RASSF5: variants seen among roughly 807,000 people sequenced by gnomAD.
The protein encoded by RASSF5 is Ras association domain family member 5.
A neutral mutation model predicts 40.5 loss-of-function variants in RASSF5; 25 were observed. The observed-to-expected ratio is 0.62, with a 90% CI of 0.45 to 0.86. The LOEUF (loss-of-function observed/expected upper bound fraction) is 0.86, where lower values mean the gene tolerates loss of function less well. RASSF5 is among the 40% of genes least tolerant of loss of function. The pLI is 0.00. For synonymous variants in RASSF5, 246 were observed against 252.4 expected (o/e 0.97, Z 0.24); for missense variants, 521 against 572.8 (o/e 0.91, Z 0.92).
intron 2 of RASSF5, among the ~76,000 whole-genome samples, chr1:206,567,616 G>A (rs1668323567): frequency 6.6e-6 from 1 of 152,102 alleles, no homozygotes; most frequent in African/African-American, 2.4e-5. Context: ...CCCTCTGTAA[G>A]ACGGGAAGAC....
chr1:206,507,622 C>A lies in RASSF5; in HGVS notation c.20C>A (p.Ala7Asp), dbSNP rs1553393905. 1.3e-6 allele frequency: 2 copies of A among 1,524,796 alleles called. 1 individual carries two copies. Among genetic ancestry groups the A allele is most frequent in the East Asian group, 5.6e-5 (2 of 35,992 alleles). 94.5% of individuals were successfully genotyped at this position (1,524,796 alleles called of 1,614,324 possible). Residue 7 changes from alanine (A) to aspartate (D), a missense_variant, in exon 1 of 6, where the codon GCC becomes GAC. Transcript: ENST00000579436. The stretch of plus-strand genomic sequence containing the variant: ...CCGGGCATGGCCATGGCGTCCCCGG[C>A]CATCGGGCAGCGCCCGTACCCGCTA... Reference protein sequence around the residue: MAMASPAIGQRPYPLLL... With the variant: MAMASPDIGQRPYPLLL...
chr1:206,533,807 T>C lies in RASSF5; in HGVS notation c.458-4365T>C, dbSNP rs1397656927. ...CCCAGTAGTTCAGAATGCAACCTTA[T>C]TCGGAAATATGGTAGTTGCAGGTGT... On this transcript the variant is annotated intron_variant, in intron 1 of 5. Coordinates refer to ENST00000579436, the MANE Select transcript of RASSF5 (RefSeq NM_182663.4). Among the ~76,000 whole-genome samples, 7 of 152,092 alleles carry C rather than the reference T, an allele frequency of 4.6e-5. No homozygotes were observed. The South Asian group carries it at 1.5e-3, about 32-fold the overall frequency.
chr1:206,523,409 TTATATATTA>T lies in RASSF5; in HGVS notation c.458-14757_458-14749del, dbSNP rs1410464442. 9.5e-3 allele frequency among the ~76,000 whole-genome samples: 399 copies of T among 42,014 alleles called. 2 individuals carry two copies. The highest frequency in any genetic ancestry group is 0.021 in the African/African-American group (376 of 17,728). The allele number at this position is 42,014 out of a possible 152,430, so 27.6% of individuals were successfully genotyped here. On this transcript the variant is annotated intron_variant, in intron 1 of 5. Transcript: ENST00000579436. ...TATAAATTTAATATAAATATAAATA[TTATATATTA>T]TATATTATATAATATATTTTATATA...
intron 2 of RASSF5, among the ~76,000 whole-genome samples, chr1:206,540,739 A>G (rs2103525100): frequency 6.6e-6 from 1 of 152,076 alleles, no homozygotes; most frequent in Non-Finnish European, 1.5e-5. Context: ...GCTTTCTTTC[A>G]CCTTGACATC....
intron 2 of RASSF5, among the ~76,000 whole-genome samples, chr1:206,562,543 C>T (rs1668172555): frequency 6.6e-6 from 1 of 152,294 alleles, no homozygotes; most frequent in Non-Finnish European, 1.5e-5. Flanking sequence ...GGATTCACTG[C>T]CCGCTGCCTC....
chr1:206,564,873 G>A (rs1241516453), intron 2 of RASSF5, among the ~76,000 whole-genome samples: 1 of 152,178 alleles, frequency 6.6e-6, no homozygotes, highest in Non-Finnish European at 1.5e-5. Context: ...GAGCTGCACT[G>A]ACAGACAGCT....
chr1:206,577,707 G>A (rs1421018023), intron 2 of RASSF5, among the ~76,000 whole-genome samples: 3 of 152,188 alleles, frequency 2.0e-5, no homozygotes, highest in African/African-American at 7.2e-5. Context: ...AGTCTAAATG[G>A]AAATCCAAGG....
At chr1:206,533,360 C>A (rs558789590) in intron 1 of RASSF5, among the ~76,000 whole-genome samples, 1 of 152,106 alleles carries the variant, frequency 6.6e-6, no homozygotes, top group Non-Finnish European at 1.5e-5. Flanking sequence ...CACTAGAAAC[C>A]GCCATCTGTT....
chr1:206,535,686 T>G lies in RASSF5; in HGVS notation c.458-2486T>G, dbSNP rs182400852. On this transcript the variant is annotated intron_variant, in intron 1 of 5. Transcript: ENST00000579436. This position sits in a 1 kb window ranked among gnomAD's most constrained non-coding sequence, Gnocchi z 5.0. ...GCTCAGCATGGTGATGTTTTCAGGG[T>G]GTGTGTGTGTGTGTGTCTGTGTGTG... Among the ~76,000 whole-genome samples, 1,143 of 133,514 alleles carry G rather than the reference T, an allele frequency of 8.6e-3. 13 individuals carry two copies. Among genetic ancestry groups the G allele is most frequent in the African/African-American group, 0.03 (1,047 of 35,208 alleles). 87.6% of individuals were successfully genotyped at this position (133,514 alleles called of 152,430 possible).
rs144335994 is a variant in RASSF5, at chr1:206,583,299, C to T, written c.610C>T (p.Arg204Cys). The T allele has an allele frequency of 7.7e-5, 124 of 1,613,466 alleles. No homozygotes were observed. The highest frequency in any genetic ancestry group is 3.5e-4 in the South Asian group (32 of 91,068). The change falls in exon 3 of 6, where the codon CGC (arginine) becomes TGC (cysteine). Residue 204 changes from arginine (R) to cysteine (C), a missense_variant. Transcript: ENST00000579436. ...CTGTAAACCTGTGGAGGAGACACAG[C>T]GCCCGCCCACACTGCAGGAGATCAA... ...NVCKPVEETQRPPTLQEIKQK... is the reference protein window; with the variant it reads ...NVCKPVEETQCPPTLQEIKQK...
chr1:206,536,507 G>C (rs1229748621), intron 1 of RASSF5, among the ~76,000 whole-genome samples: 1 of 152,054 alleles, frequency 6.6e-6, no homozygotes, highest in Non-Finnish European at 1.5e-5. Flanking sequence ...CATGGTCCAG[G>C]TGCTTATCTT....
intron 1 of RASSF5, among the ~76,000 whole-genome samples, chr1:206,536,132 C>T (rs1667386472): frequency 6.6e-6 from 1 of 152,122 alleles, no homozygotes; most frequent in South Asian, 2.1e-4. Context: ...TCCCTTTGTA[C>T]CCTTCACCTT....
At chr1:206,556,286 G>C (rs1269385876) in intron 2 of RASSF5, among the ~76,000 whole-genome samples, 1 of 152,194 alleles carries the variant, frequency 6.6e-6, no homozygotes, top group Non-Finnish European at 1.5e-5. Flanking sequence ...GTGTGACTCC[G>C]AGCCTTACTT....
chr1:206,584,290 A>ACTT lies in RASSF5; in HGVS notation c.691-97_691-96insCTT. 8.3e-7 allele frequency: 1 copy of ACTT among 1,206,376 alleles called. No homozygotes were observed. The highest frequency in any genetic ancestry group is 1.2e-6 in the Non-Finnish European group (1 of 865,104). 74.7% of individuals were successfully genotyped at this position (1,206,376 alleles called of 1,614,324 possible). On this transcript the variant is annotated intron_variant, in intron 3 of 5. Coordinates refer to ENST00000579436, the MANE Select transcript of RASSF5 (RefSeq NM_182663.4). This position sits in a 1 kb window ranked among gnomAD's most constrained non-coding sequence, Gnocchi z 4.9. ...AGCAGAGGCAGGAAAGAACTCAAGG[A>ACTT]GACAGGTGGGTGCTGCTGGGGCAAT...
chr1:206,523,647 T>TA (rs1201377598), intron 1 of RASSF5, among the ~76,000 whole-genome samples: 4 of 100,820 alleles, frequency 4.0e-5, no homozygotes, highest in Non-Finnish European at 7.4e-5. Context: ...ATATATAATA[T>TA]ATTTATATAA....
rs1553408281 is a variant in RASSF5, at chr1:206,588,713, A to G, written c.*1735A>G. 3 of 152,568 alleles carry G rather than the reference A, an allele frequency of 2.0e-5. No homozygotes were observed. Among genetic ancestry groups the G allele is most frequent in the Non-Finnish European group, 4.4e-5 (3 of 68,028 alleles). 9.5% of individuals were successfully genotyped at this position (152,568 alleles called of 1,614,324 possible). A position where few individuals can be genotyped will look rare whatever the true frequency, so the allele number is the denominator to read the frequency against. ...GCTTCAAAGGCAACACAAGCTCGCA[A>G]CTCTAAGATTTTTTTAAACCACAAA... is the stretch of plus-strand genomic sequence containing the variant. On this transcript the variant is annotated 3_prime_UTR_variant, in exon 6 of 6. Transcript: ENST00000579436.
chr1:206,516,722 G>A (rs1372835270), intron 1 of RASSF5, among the ~76,000 whole-genome samples: 3 of 152,172 alleles, frequency 2.0e-5, no homozygotes, highest in African/African-American at 4.8e-5. Flanking sequence ...CTCCCAAAGC[G>A]CTGGGATTAC....
Position 206,587,338 on chromosome 1 carries a change from G to T in RASSF5, c.*360G>T. On this transcript the variant is annotated 3_prime_UTR_variant, in exon 6 of 6. Coordinates refer to ENST00000579436, the MANE Select transcript of RASSF5 (RefSeq NM_182663.4). ...GAAGGAAGAAAGGTTTTAGAGCTGTGTGTTCTTTCTCTGGCATTGATTCCT... is the reference window on the plus strand; with the variant it reads ...GAAGGAAGAAAGGTTTTAGAGCTGTTTGTTCTTTCTCTGGCATTGATTCCT... 6.1e-6 allele frequency: 2 copies of T among 329,168 alleles called. No individual in the cohort carries two copies. The highest frequency in any genetic ancestry group is 2.5e-5 in the South Asian group (1 of 39,980). 20.4% of individuals were successfully genotyped at this position (329,168 alleles called of 1,614,324 possible).
chr1:206,580,131 C>G lies in RASSF5; in HGVS notation c.580-3138C>G, dbSNP rs989186774. Among the ~76,000 whole-genome samples, 6 of 152,264 alleles carry G rather than the reference C, an allele frequency of 3.9e-5. No individual in the cohort carries two copies. The South Asian group carries it at 1.0e-3, about 26-fold the overall frequency. On this transcript the variant is annotated intron_variant, in intron 2 of 5. Coordinates refer to ENST00000579436, the MANE Select transcript of RASSF5 (RefSeq NM_182663.4). ...GCCTGTGGCCACTTGCGTCACTTCC[C>G]CGCGTTTGTGGTGGGAAGGGGAGAG...
Sources: allele counts gnomAD v4.1 joint callset (sites outside exome capture counted in the v4.1 genomes callset), GRCh38; gene constraint gnomAD v4.1.1; non-coding constraint Gnocchi (gnomAD v3.1); transcripts MANE v1.5; gene names NCBI Gene and HGNC (gene_info 2026-07-23, HGNC 2026-07-21).